The following BATF variants were observed in gnomAD, a reference collection of about 807,000 sequenced individuals.
BATF encodes the protein basic leucine zipper transcriptional factor ATF-like.
BATF carries 5 observed loss-of-function variants against 13.7 expected under a neutral mutation model. The observed-to-expected ratio is 0.36, with a 90% CI of 0.19 to 0.77. The LOEUF is 0.77. Ranked by LOEUF, BATF falls within the 30% of genes least tolerant of loss-of-function variation. BATF has a pLI of 0.51. For synonymous variants in BATF, 72 were observed against 67.5 expected (o/e 1.07, Z -0.33); for missense variants, 124 against 163.0 (o/e 0.76, Z 1.30).
intron 2 of BATF, among the ~76,000 whole-genome samples, chr14:75,528,513 T>A (rs1396015436): frequency 6.6e-6 from 1 of 152,250 alleles, no homozygotes; most frequent in African/African-American, 2.4e-5. Context: ...TGGCCTTGAC[T>A]ATCTCTGACA....
intron 2 of BATF, among the ~76,000 whole-genome samples, chr14:75,545,388 A>AT (rs35791450): frequency 0.45 from 47,469 of 105,158 alleles, 11,558 homozygotes; most frequent in East Asian, 0.56. Context: ...CGCCTGGTTA[A>AT]TTTTTTTTTT....
intron 2 of BATF, among the ~76,000 whole-genome samples, chr14:75,535,431 A>C (rs1265724333): frequency 6.6e-6 from 1 of 152,150 alleles, no homozygotes; most frequent in African/African-American, 2.4e-5. Flanking sequence ...ATGAGATCTC[A>C]ATATGTGTAA....
intron 2 of BATF, among the ~76,000 whole-genome samples, chr14:75,530,965 T>G (rs1887722868): frequency 6.6e-6 from 1 of 152,232 alleles, no homozygotes; most frequent in South Asian, 2.1e-4. Context: ...CTTGGCATTC[T>G]TTACCTTTTA....
chr14:75,522,895 T>A, intron 1 of BATF, 150 bp downstream of exon 1: 1 of 881,922 alleles, frequency 1.1e-6, no homozygotes, highest in Non-Finnish European at 1.8e-6. Flanking sequence ...TGGAATTTGC[T>A]ACTAAGCTGT....
chr14:75,524,836 T>G (rs1887627959), intron 1 of BATF, among the ~76,000 whole-genome samples: 1 of 149,472 alleles, frequency 6.7e-6, no homozygotes. Flanking sequence ...CTCTATTGAG[T>G]CCTCAAGTTC....
At chr14:75,535,043 C>T (rs1038318142) in intron 2 of BATF, among the ~76,000 whole-genome samples, 1 of 152,134 alleles carries the variant, frequency 6.6e-6, no homozygotes, top group African/African-American at 2.4e-5. Flanking sequence ...GTAGATGTGA[C>T]AAAGTTATGA....
In BATF at chr14:75,533,043, G is replaced by A. The variant is rs1258416784; in HGVS notation, c.168+7855G>A. ...TAAAAATTAGGCTATTTTCATTTGG[G>A]GAGGGAAAACACATCAAGGAAATCC... is the stretch of plus-strand genomic sequence containing the variant. On this transcript the variant is annotated intron_variant, in intron 2 of 2. Transcript: ENST00000286639. Among the ~76,000 whole-genome samples the A allele has an allele frequency of 2.0e-5, 3 of 152,080 alleles. No homozygotes were observed. The South Asian group carries it at 6.2e-4, about 31-fold the overall frequency.
intron 2 of BATF, among the ~76,000 whole-genome samples, chr14:75,542,179 CCT>C (rs1456160989): frequency 6.6e-6 from 1 of 152,214 alleles, no homozygotes; most frequent in Non-Finnish European, 1.5e-5. Flanking sequence ...CTGTCACCAG[CCT>C]GTGGTCATTT....
intron 2 of BATF, among the ~76,000 whole-genome samples, chr14:75,528,859 T>G (rs181155969): frequency 6.6e-6 from 1 of 152,026 alleles, no homozygotes; most frequent in Admixed American, 6.5e-5. Context: ...ACATAACCAA[T>G]TAGGAAATTA....
At chr14:75,544,924 T>G (rs1036394255) in intron 2 of BATF, among the ~76,000 whole-genome samples, 2 of 151,984 alleles carry the variant, frequency 1.3e-5, no homozygotes, top group African/African-American at 4.8e-5. Flanking sequence ...GGAATTGCGA[T>G]CTCCTGGGCT....
At chr14:75,525,247 G>A (rs1887633992) in intron 2 of BATF, 59 bp downstream of exon 2, 16 of 1,516,158 alleles carry the variant, frequency 1.1e-5, no homozygotes, top group Non-Finnish European at 1.3e-5. Flanking sequence ...TCCGCCATCT[G>A]GGAACCCTTG....
intron 2 of BATF, among the ~76,000 whole-genome samples, chr14:75,529,936 T>C (rs898796042): frequency 3.7e-4 from 56 of 151,284 alleles, no homozygotes; most frequent in African/African-American, 5.1e-4. Context: ...TGGTGGCGGG[T>C]GCCTGTAGTC....
At chr14:75,542,960 GT>G (rs1887919223) in intron 2 of BATF, among the ~76,000 whole-genome samples, 2 of 152,236 alleles carry the variant, frequency 1.3e-5, no homozygotes, top group Non-Finnish European at 2.9e-5. Flanking sequence ...CGGGGAGAAG[GT>G]CAGAGTGGCC....
At chr14:75,528,766 G>T (rs765189563) in intron 2 of BATF, among the ~76,000 whole-genome samples, 15 of 148,010 alleles carry the variant, frequency 1.0e-4, no homozygotes, top group Middle Eastern at 3.2e-3. Flanking sequence ...AAGATAATCA[G>T]CTGAAAAATT....
chr14:75,526,167 T>C (rs1887651906), intron 2 of BATF, among the ~76,000 whole-genome samples: 1 of 152,232 alleles, frequency 6.6e-6, no homozygotes, highest in African/African-American at 2.4e-5. Context: ...ATGGTGTTTC[T>C]AGGTTCTGGC....
At position 75,539,424 on chromosome 14, in the gene BATF, A is replaced by ATTTTTTTTTTTTTTTTT. The variant is rs1162218076; in HGVS notation, c.169-7027_169-7011dup. On this transcript the variant is annotated intron_variant, in intron 2 of 2. Transcript: ENST00000286639. ...TAGCTACAAGGTAAGGTAAGCTGGAATTTTTTTTTTTTTTTTTTTTTTTTT... is the reference window on the plus strand; with the variant it reads ...TAGCTACAAGGTAAGGTAAGCTGGAATTTTTTTTTTTTTTTTTTTTTTTTTTTTTTTTTTTTTTTTTT... Among the ~76,000 whole-genome samples, 9 of 58,552 alleles carry ATTTTTTTTTTTTTTTTT rather than the reference A, an allele frequency of 1.5e-4. 2 individuals carry two copies. Among genetic ancestry groups the ATTTTTTTTTTTTTTTTT allele is most frequent in the African/African-American group, 6.4e-4 (9 of 14,090 alleles). The allele number at this position is 58,552 out of a possible 152,430, so 38.4% of individuals were successfully genotyped here.
Position 75,546,474 on chromosome 14 carries a change from C to G in BATF, c.181C>G (p.Leu61Val). The change falls in exon 3 of 3, where the codon CTG becomes GTG. Residue 61 changes from leucine (L) to valine (V), a missense_variant. Transcript: ENST00000286639. ...CCCACCCCTACAGGAGAGCGAAGACCTGGAGAAACAGAACGCGGCTCTACG... is the reference window on the plus strand; with the variant it reads ...CCCACCCCTACAGGAGAGCGAAGACGTGGAGAAACAGAACGCGGCTCTACG... ...ADTLHLESED[L>V]EKQNAALRKE... The G allele has an allele frequency of 6.2e-7, 1 of 1,614,172 alleles. No individual in the cohort carries two copies. The highest frequency in any genetic ancestry group is 8.5e-7 in the Non-Finnish European group (1 of 1,180,024).
At chr14:75,543,055 G>C (rs894880195) in intron 2 of BATF, among the ~76,000 whole-genome samples, 2 of 152,178 alleles carry the variant, frequency 1.3e-5, no homozygotes, top group Admixed American at 6.5e-5. Flanking sequence ...ACTCTCAGAG[G>C]GGGCGAAGAA....
In BATF at chr14:75,526,700, G is replaced by C. The variant is rs150507658; in HGVS notation, c.168+1512G>C. ...AATGAACAGAAAGTCTGTACTAACT[G>C]TGCTCAACAGTCTGAATGTCAAGTT... is the stretch of plus-strand genomic sequence containing the variant. On this transcript the variant is annotated intron_variant, in intron 2 of 2. Transcript: ENST00000286639. 2.9e-4 allele frequency among the ~76,000 whole-genome samples: 44 copies of C among 152,310 alleles called. No homozygotes were observed. In the East Asian group the frequency reaches 8.5e-3, roughly 29 times the overall value.
Sources: allele counts gnomAD v4.1 joint callset (sites outside exome capture counted in the v4.1 genomes callset), GRCh38; gene constraint gnomAD v4.1.1; transcripts MANE v1.5; gene names NCBI Gene and HGNC (gene_info 2026-07-23, HGNC 2026-07-21).